The following SYT1 variants were observed in gnomAD, a reference collection of about 807,000 sequenced individuals.
The protein encoded by SYT1 is synaptotagmin 1.
Under a neutral mutation model 44.8 loss-of-function variants are expected in SYT1, and 8 were observed. That is an observed-to-expected ratio of 0.18 (90% CI 0.10 to 0.32). The LOEUF is 0.32. SYT1 is among the 10% of genes least tolerant of loss of function. The pLI is 1.00. For missense variants in SYT1, 286 were observed against 509.3 expected, an observed-to-expected ratio of 0.56 and a Z score of 4.22; for synonymous variants, 154 against 188.8, an observed-to-expected ratio of 0.82 and a Z score of 1.51.
chr12:79,377,105 T>TTTTGTTTTG (rs150386499), intron 9 of SYT1, among the ~76,000 whole-genome samples: 11 of 151,958 alleles, frequency 7.2e-5, no homozygotes, highest in South Asian at 6.2e-4. Flanking sequence ...ACATTTTTTG[T>TTTTGTTTTG]TTTTTTGTTT....
At chr12:79,011,891 C>A (rs927804629) in intron 2 of SYT1, among the ~76,000 whole-genome samples, 1 of 151,730 alleles carries the variant, frequency 6.6e-6, no homozygotes. Context: ...CAGCACTTTG[C>A]GGGGCTGAGG....
intron 1 of SYT1, among the ~76,000 whole-genome samples, chr12:78,972,960 C>G (rs930489283): frequency 6.6e-6 from 1 of 152,014 alleles, no homozygotes; most frequent in African/African-American, 2.4e-5. Context: ...CTACAATAAT[C>G]GAACTTAAAG....
chr12:79,353,439 A>G, intron 8 of SYT1, 63 bp from the exon 9 acceptor site: 2 of 1,201,006 alleles, frequency 1.7e-6, no homozygotes, highest in Non-Finnish European at 1.2e-6. Flanking sequence ...TACAATATAT[A>G]TGTTAAAACT....
chr12:79,123,525 G>T (rs1384371605), intron 3 of SYT1, among the ~76,000 whole-genome samples: 1 of 152,082 alleles, frequency 6.6e-6, no homozygotes, highest in Non-Finnish European at 1.5e-5. Flanking sequence ...CTTGTTCAAG[G>T]CTATGCTCTT....
At chr12:79,006,730 G>C (rs760416953) in intron 2 of SYT1, among the ~76,000 whole-genome samples, 3 of 152,134 alleles carry the variant, frequency 2.0e-5, no homozygotes, top group Non-Finnish European at 4.4e-5. Context: ...GCTTTGCGTA[G>C]TAAGTCTGAT....
chr12:79,044,866 G>A (rs1226678233), intron 2 of SYT1, among the ~76,000 whole-genome samples: 1 of 152,084 alleles, frequency 6.6e-6, no homozygotes, highest in East Asian at 1.9e-4. Context: ...CTCAGCTGCA[G>A]GTCTGTTGGA....
At chr12:78,965,545 T>G (rs1879723141) in intron 1 of SYT1, among the ~76,000 whole-genome samples, 1 of 152,222 alleles carries the variant, frequency 6.6e-6, no homozygotes, top group South Asian at 2.1e-4. Context: ...TCTTTACAAT[T>G]ATAACCTAGT....
At chr12:79,409,702 A>G (rs1302162803) in intron 9 of SYT1, among the ~76,000 whole-genome samples, 1 of 152,056 alleles carries the variant, frequency 6.6e-6, no homozygotes, top group Non-Finnish European at 1.5e-5. Flanking sequence ...GCTTGAAGGC[A>G]TAGACATTCC....
intron 9 of SYT1, among the ~76,000 whole-genome samples, chr12:79,411,932 T>C (rs1868459159): frequency 6.6e-6 from 1 of 152,198 alleles, no homozygotes; most frequent in African/African-American, 2.4e-5. Context: ...GATCATTTCA[T>C]GATATCATTC....
chr12:79,183,699 T>C (rs1031849894), intron 3 of SYT1, among the ~76,000 whole-genome samples: 1 of 152,032 alleles, frequency 6.6e-6, no homozygotes, highest in Non-Finnish European at 1.5e-5. Context: ...TTTCTGGCTG[T>C]TTTTTGTTCC....
chr12:79,054,696 A>G (rs1326884634), intron 3 of SYT1, among the ~76,000 whole-genome samples: 2 of 151,924 alleles, frequency 1.3e-5, no homozygotes, highest in Admixed American at 1.3e-4. Context: ...GAATAAATAA[A>G]GTATAGTCTC....
intron 3 of SYT1, among the ~76,000 whole-genome samples, chr12:79,130,703 G>T (rs1393606527): frequency 6.6e-6 from 1 of 152,010 alleles, no homozygotes; most frequent in Non-Finnish European, 1.5e-5. Context: ...TTGGGACTTG[G>T]GGTGTCAAGG....
At chr12:79,127,971 G>A (rs1868548356) in intron 3 of SYT1, among the ~76,000 whole-genome samples, 1 of 152,200 alleles carries the variant, frequency 6.6e-6, no homozygotes, top group South Asian at 2.1e-4. Flanking sequence ...CATGATGGAT[G>A]AATTAGGTAG....
intron 8 of SYT1, among the ~76,000 whole-genome samples, chr12:79,308,532 T>C (rs867990087): frequency 6.7e-5 from 4 of 59,432 alleles, no homozygotes; most frequent in African/African-American, 2.0e-4. Context: ...AAAGAAGAAA[T>C]AAAGAAAGAA....
chr12:78,982,673 C>T (rs924902541), intron 2 of SYT1, among the ~76,000 whole-genome samples: 2 of 152,076 alleles, frequency 1.3e-5, no homozygotes, highest in Admixed American at 6.6e-5. Context: ...GGTCTCGCAG[C>T]CTTGTGTGAA....
Position 79,125,451 on chromosome 12 carries a change from C to CAAAAAAA in SYT1, c.-18+78099_-18+78105dup, listed in dbSNP as rs61296536. Among the ~76,000 whole-genome samples, 172 of 99,036 alleles carry CAAAAAAA rather than the reference C, an allele frequency of 1.7e-3. 4 individuals carry two copies. The highest frequency in any genetic ancestry group is 6.4e-3 in the African/African-American group (165 of 25,876). The allele number at this position is 99,036 out of a possible 152,430, so 65.0% of individuals were successfully genotyped here. On this transcript the variant is annotated intron_variant, in intron 3 of 10. Coordinates refer to ENST00000261205, the MANE Select transcript of SYT1 (RefSeq NM_005639.3). ...CATAGTGCGACCCTCACTGTCTCTA[C>CAAAAAAA]AAAAAAAAAAAAAAAATTAGCTGTG...
chr12:78,977,092 A>G (rs912282631), intron 1 of SYT1, among the ~76,000 whole-genome samples: 3 of 151,650 alleles, frequency 2.0e-5, no homozygotes. Context: ...AAGAATGGGG[A>G]AAAAAGAAGA....
At chr12:79,253,921 A>G (rs1490046667) in intron 4 of SYT1, among the ~76,000 whole-genome samples, 4 of 152,190 alleles carry the variant, frequency 2.6e-5, no homozygotes, top group Non-Finnish European at 2.9e-5. Context: ...TCACAACTCT[A>G]TGAAAGCTGA....
chr12:78,967,878 A>T (rs1329588101), intron 1 of SYT1, among the ~76,000 whole-genome samples: 2 of 152,184 alleles, frequency 1.3e-5, no homozygotes, highest in African/African-American at 4.8e-5. Flanking sequence ...ACTAGAAAAA[A>T]CAAAATGTGT....
Sources: allele counts gnomAD v4.1 joint callset (sites outside exome capture counted in the v4.1 genomes callset), GRCh38; gene constraint gnomAD v4.1.1; transcripts MANE v1.5; gene names NCBI Gene and HGNC (gene_info 2026-07-23, HGNC 2026-07-21).